LMX1A: variants seen among roughly 807,000 people sequenced by gnomAD.
LMX1A encodes LIM homeobox transcription factor 1 alpha, also known as LIM homeobox transcription factor 1-alpha.
Under a neutral mutation model 49.1 loss-of-function variants are expected in LMX1A, and 15 were observed. The ratio of observed to expected loss-of-function variants is 0.31; its 90% CI spans 0.20 to 0.47. The LOEUF (loss-of-function observed/expected upper bound fraction) is 0.47, where lower values mean the gene tolerates loss of function less well. LMX1A is among the 20% of genes least tolerant of loss of function. The probability of loss-of-function intolerance (pLI) is 1.00; values close to 1 mark genes in which losing one functional copy is unlikely to be tolerated. For missense variants in LMX1A, 372 were observed against 475.8 expected, an observed-to-expected ratio of 0.78 and a Z score of 2.03; for synonymous variants, 167 against 185.7, an observed-to-expected ratio of 0.90 and a Z score of 0.82.
At chr1:165,332,348 G>A (rs969849377) in intron 3 of LMX1A, among the ~76,000 whole-genome samples, 14 of 151,968 alleles carry the variant, frequency 9.2e-5, no homozygotes, top group Admixed American at 7.9e-4. Context: ...GAAAGAGATA[G>A]AATGTCAGAA....
At chr1:165,293,041 C>A (rs926125137) in intron 3 of LMX1A, among the ~76,000 whole-genome samples, 2 of 151,248 alleles carry the variant, frequency 1.3e-5, no homozygotes, top group African/African-American at 2.4e-5. Context: ...CGCTTGAACC[C>A]GGGAGGTGGA....
At chr1:165,213,871 T>C in intron 4 of LMX1A, 58 bp from the exon 5 acceptor site, 2 of 1,523,508 alleles carry the variant, frequency 1.3e-6, no homozygotes, top group South Asian at 1.2e-5. Context: ...TGGAGCTGTA[T>C]GTTATTCCAT....
chr1:165,266,600 T>C (rs1443851160), intron 3 of LMX1A, among the ~76,000 whole-genome samples: 6 of 130,100 alleles, frequency 4.6e-5, no homozygotes, highest in African/African-American at 1.7e-4. Context: ...TCTTTCTTTT[T>C]TTTTTTTTTT....
intron 3 of LMX1A, among the ~76,000 whole-genome samples, chr1:165,284,221 C>A (rs572114468): frequency 6.6e-6 from 1 of 152,310 alleles, no homozygotes; most frequent in African/African-American, 2.4e-5. Context: ...TCTTGAGGAA[C>A]AAGTAAGTAT....
At chr1:165,329,016 A>G (rs74735174) in intron 3 of LMX1A, among the ~76,000 whole-genome samples, 1 of 152,356 alleles carries the variant, frequency 6.6e-6, no homozygotes, top group East Asian at 1.9e-4. Flanking sequence ...TCACACTGCT[A>G]TGAAGAACTT....
intron 4 of LMX1A, among the ~76,000 whole-genome samples, chr1:165,221,232 G>T (rs1292490169): frequency 6.6e-6 from 1 of 152,102 alleles, no homozygotes; most frequent in Admixed American, 6.5e-5. Flanking sequence ...CTAACTGCAG[G>T]CAGCATTATT....
At chr1:165,280,618 G>A (rs1210305326) in intron 3 of LMX1A, among the ~76,000 whole-genome samples, 3 of 152,148 alleles carry the variant, frequency 2.0e-5, no homozygotes, top group Non-Finnish European at 2.9e-5. Flanking sequence ...TATCATTAGT[G>A]CTATTAGTAT....
chr1:165,325,432 T>G (rs1655539304), intron 3 of LMX1A, among the ~76,000 whole-genome samples: 1 of 107,514 alleles, frequency 9.3e-6, no homozygotes, highest in African/African-American at 3.2e-5. Flanking sequence ...TATTTAAAAA[T>G]ATATATGTAT....
rs1253183580 is a variant in LMX1A, at chr1:165,220,623, G to T, written c.497-6810C>A. Among the ~76,000 whole-genome samples the T allele has an allele frequency of 3.3e-5, 5 of 152,202 alleles. No homozygotes were observed. In the East Asian group the frequency reaches 9.6e-4, roughly 29 times the overall value. ...AAGGCTTGTCTACTTCCAGGACCAG[G>T]CCCAGAGGCACCCCTGCAGGGAGGA... On this transcript the variant is annotated intron_variant, in intron 4 of 8. Coordinates refer to ENST00000342310, the MANE Select transcript of LMX1A (RefSeq NM_177398.4).
intron 3 of LMX1A, among the ~76,000 whole-genome samples, chr1:165,251,071 A>G (rs1045050291): frequency 7.6e-5 from 11 of 145,146 alleles, no homozygotes; most frequent in Non-Finnish European, 7.5e-5. Context: ...AGCAATTGGG[A>G]GTATTGAATG....
intron 3 of LMX1A, among the ~76,000 whole-genome samples, chr1:165,325,579 G>A (rs1475419005): frequency 1.3e-5 from 2 of 152,090 alleles, no homozygotes; most frequent in Non-Finnish European, 2.9e-5. Flanking sequence ...AGAGAGAACA[G>A]AGCATCCTCT....
intron 4 of LMX1A, among the ~76,000 whole-genome samples, chr1:165,217,253 A>G (rs10737508): frequency 0.52 from 78,627 of 151,896 alleles, 21,092 homozygotes; most frequent in Non-Finnish European, 0.59. Flanking sequence ...CAATTTCTGA[A>G]GTTTGTTCAG....
intron 3 of LMX1A, among the ~76,000 whole-genome samples, chr1:165,324,606 C>T (rs1008102600): frequency 7.9e-5 from 12 of 152,100 alleles, no homozygotes; most frequent in Admixed American, 3.9e-4. Flanking sequence ...TTTGCAACTA[C>T]AGGACCATGG....
intron 3 of LMX1A, among the ~76,000 whole-genome samples, chr1:165,340,883 A>T (rs1213033936): frequency 6.6e-6 from 1 of 152,118 alleles, no homozygotes; most frequent in East Asian, 1.9e-4. Context: ...GTCAAAAGTC[A>T]TGATGTTCAA....
At chr1:165,345,939 GAGGC>G (rs1395785379) in intron 3 of LMX1A, among the ~76,000 whole-genome samples, 1 of 152,220 alleles carries the variant, frequency 6.6e-6, no homozygotes, top group Admixed American at 6.5e-5. Context: ...GGCAAAAAAT[GAGGC>G]AGTTGATGAA....
intron 4 of LMX1A, among the ~76,000 whole-genome samples, chr1:165,243,448 T>G (rs72637216): frequency 0.075 from 11,343 of 152,228 alleles, 516 homozygotes; most frequent in South Asian, 0.2. Context: ...GCAATAACAC[T>G]GTGCTGGTTC....
rs2101777681 is a variant in LMX1A at position 165,355,201 on chromosome 1, T to G, written c.76+283A>C. 6.6e-6 allele frequency among the ~76,000 whole-genome samples: 1 copy of G among 152,224 alleles called. No individual in the cohort carries two copies. Among genetic ancestry groups the G allele is most frequent in the East Asian group, 1.9e-4 (1 of 5,164 alleles). On this transcript the variant is annotated intron_variant, in intron 2 of 8. Transcript: ENST00000342310. This position sits in a 1 kb window ranked among gnomAD's most constrained non-coding sequence, Gnocchi z 4.7. ...AGATTAAAAATCCAGCCCTGGGTAT[T>G]TTTAATCACTTGCCACTCAGACGCC...
intron 3 of LMX1A, among the ~76,000 whole-genome samples, chr1:165,278,075 T>C (rs923131596): frequency 1.3e-5 from 2 of 151,378 alleles, no homozygotes; most frequent in Non-Finnish European, 1.5e-5. Flanking sequence ...TATTTAAAAA[T>C]GAGGGAATGG....
At chr1:165,320,004 C>T (rs1571221180) in intron 3 of LMX1A, among the ~76,000 whole-genome samples, 1 of 152,146 alleles carries the variant, frequency 6.6e-6, no homozygotes, top group Non-Finnish European at 1.5e-5. Flanking sequence ...ACAACCTCTA[C>T]CTCCACCTAG....
Sources: gnomAD v4.1 joint callset for allele counts (sites outside exome capture counted in the v4.1 genomes callset) on GRCh38, gnomAD v4.1.1 for gene constraint, Gnocchi (gnomAD v3.1) non-coding constraint, MANE v1.5 for transcripts, NCBI Gene and HGNC (gene_info 2026-07-23, HGNC 2026-07-21) for gene names.